Variants in KIAA1210 observed in about 807,000 individuals in gnomAD.
KIAA1210 encodes the protein KIAA1210, also known as acrosomal protein KIAA1210.
Under a neutral mutation model 78.9 loss-of-function variants are expected in KIAA1210, and 48 were observed. The ratio of observed to expected loss-of-function variants is 0.61; its 90% CI spans 0.48 to 0.77. The LOEUF (loss-of-function observed/expected upper bound fraction) is 0.77, where lower values mean the gene tolerates loss of function less well. Ranked by LOEUF, KIAA1210 falls within the 30% of genes least tolerant of loss-of-function variation. The pLI is 0.00. For missense variants in KIAA1210, 1,108 were observed against 1,100.0 expected (o/e 1.01, Z -0.10); for synonymous variants, 406 against 404.5 (o/e 1.00, Z -0.04).
chrX:119,112,110 C>T (rs867807771), intron 3 of KIAA1210, among the ~76,000 whole-genome samples: 4 of 111,137 alleles, frequency 3.6e-5, no homozygotes, highest in East Asian at 2.8e-4. Flanking sequence ...CCCGCTTGCA[C>T]TCTCTCTCTA....
chrX:119,096,763 C>T lies in KIAA1210; in HGVS notation c.649-72G>A, dbSNP rs958389694. On this transcript the variant is annotated intron_variant, in intron 6 of 11. Coordinates refer to ENST00000691062, the MANE Select transcript of KIAA1210 (RefSeq NM_001394962.1). ...CTGGTCTCAAAAGTTGGATATTCTT[C>T]CGGCTGAAGAATTCCCAAAGAAGAA... The T allele has an allele frequency of 9.0e-6, 7 of 780,450 alleles. No individual in the cohort carries two copies. The African/African-American group carries it at 1.5e-4, about 17-fold the overall frequency. The allele number at this position is 780,450 out of a possible 1,213,427, so 64.3% of individuals were successfully genotyped here. A position where few individuals can be genotyped will look rare whatever the true frequency, so the allele number is the denominator to read the frequency against.
chrX:119,081,285 AAAAACT>A lies in KIAA1210; in HGVS notation c.*38_*43del. 1 of 1,009,320 alleles carries A rather than the reference AAAAACT, an allele frequency of 9.9e-7. No individual in the cohort carries two copies. The highest frequency in any genetic ancestry group is 2.0e-5 in the African/African-American group (1 of 51,094). 83.2% of individuals were successfully genotyped at this position (1,009,320 alleles called of 1,213,427 possible). ...CTGTCTCAAAAAAAAAAAAAAAAAA[AAAAACT>A]AAATAAAATAAATGCTGATGCTCCA... On this transcript the variant is annotated 3_prime_UTR_variant, in exon 12 of 12. Transcript: ENST00000691062.
chrX:119,104,852 C>A, intron 6 of KIAA1210, 140 bp downstream of exon 6: 1 of 511,416 alleles, frequency 2.0e-6, no homozygotes, highest in Non-Finnish European at 3.1e-6. Context: ...AACCACCATG[C>A]AAATCAAAAG....
rs375534709 is a variant in KIAA1210 at position 119,088,474 on chromosome X, A to G, written c.2228T>C (p.Met743Thr). Residue 743 changes from methionine to threonine, a missense_variant, in exon 9 of 12, where the codon ATG (methionine) becomes ACG (threonine). By Grantham distance (81) the Met-to-Thr change is moderately conservative. This residue lies in a region of KIAA1210 where 672 missense variants were observed against 607.1 expected (regional missense o/e 1.11). Coordinates refer to ENST00000691062, the MANE Select transcript of KIAA1210 (RefSeq NM_001394962.1). ...LPSRCPSQPI[M>T]NPTVQQQVPT... Reference sequence around the variant, plus strand: ...GACTTGTTGCTGAACAGTAGGATTCATAATGGGCTGAGAAGGGCATCTGGA... The same window carrying G: ...GACTTGTTGCTGAACAGTAGGATTCGTAATGGGCTGAGAAGGGCATCTGGA... 3.3e-6 allele frequency: 4 copies of G among 1,209,444 alleles called. No homozygotes were observed. The African/African-American group carries it at 7.0e-5, about 21-fold the overall frequency.
chrX:119,086,786 T>C lies in KIAA1210; in HGVS notation c.3916A>G (p.Arg1306Gly). The C allele has an allele frequency of 8.3e-7, 1 of 1,211,354 alleles. No homozygotes were observed. Among genetic ancestry groups the C allele is most frequent in the African/African-American group, 1.7e-5 (1 of 57,791 alleles). Residue 1306 changes from arginine (R) to glycine (G), a missense_variant, in exon 9 of 12, where the codon AGA becomes GGA. By Grantham distance (125) the Arg-to-Gly change is moderately radical. Around this residue, in one of 5 missense-constraint regions of KIAA1210, gnomAD observed 245 missense variants for 278.8 expected, o/e 0.88. Transcript: ENST00000691062. ...TTATACTTCTGCGAGGGAGGGGCTC[T>C]TTTCAGTCGAACTCCAAAAAGCTTT... ...VEKLFGVRLK[R>G]APPSQKYKSE... is the part of the protein sequence containing the mutation.
chrX:119,138,957 T>C (rs1928985576), intron 2 of KIAA1210, among the ~76,000 whole-genome samples: 1 of 111,947 alleles, frequency 8.9e-6, no homozygotes, highest in Non-Finnish European at 1.9e-5. Flanking sequence ...TACCCCAGCA[T>C]GTGAGGAATA....
At chrX:119,100,568 G>A (rs188241085) in intron 6 of KIAA1210, among the ~76,000 whole-genome samples, 141 of 111,101 alleles carry the variant, frequency 1.3e-3, no homozygotes, top group African/African-American at 4.1e-3. Flanking sequence ...TTATTTTTTC[G>A]TTCGTATAAA....
Position 119,115,988 on chromosome X carries a change from T to C in KIAA1210, c.230+508A>G, listed in dbSNP as rs139034277. Among the ~76,000 whole-genome samples, 335 of 111,872 alleles carry C rather than the reference T, an allele frequency of 3.0e-3. 4 individuals are homozygous for C. Among genetic ancestry groups the C allele is most frequent in the African/African-American group, 0.01 (318 of 30,774 alleles). ...CAGCAACACAGTGATCTCATGCTCA[T>C]GACCCACCCCACTCCCAGCTAGATA... On this transcript the variant is annotated intron_variant, in intron 3 of 11. Transcript: ENST00000691062.
At chrX:119,083,853 T>C (rs1927041021) in intron 10 of KIAA1210, among the ~76,000 whole-genome samples, 1 of 108,405 alleles carries the variant, frequency 9.2e-6, no homozygotes, top group African/African-American at 3.4e-5. Flanking sequence ...CTGGGCATGG[T>C]GGCGCACACC....
At chrX:119,143,532 G>T (rs965771013) in intron 2 of KIAA1210, among the ~76,000 whole-genome samples, 3 of 112,108 alleles carry the variant, frequency 2.7e-5, no homozygotes, top group Non-Finnish European at 3.8e-5. Context: ...TATTTCACCC[G>T]AGGCTATTCT....
At position 119,080,245 on chromosome X, in the gene KIAA1210, G is replaced by A. The variant is rs936539038; in HGVS notation, c.*1084C>T. The A allele has an allele frequency of 6.3e-5, 7 of 111,794 alleles. No individual in the cohort carries two copies. Among genetic ancestry groups the A allele is most frequent in the African/African-American group, 1.6e-4 (5 of 30,686 alleles). 9.2% of individuals were successfully genotyped at this position (111,794 alleles called of 1,213,427 possible). ...AGATAATTCCCAAGAAGCATTCTGC[G>A]TCATAGGGAGGTGCTCGCTACAGCC... On this transcript the variant is annotated 3_prime_UTR_variant, in exon 12 of 12. Transcript: ENST00000691062.
intron 2 of KIAA1210, among the ~76,000 whole-genome samples, chrX:119,122,198 T>C (rs1187868966): frequency 9.3e-6 from 1 of 107,070 alleles, no homozygotes; most frequent in Admixed American, 1.0e-4. Flanking sequence ...CCCGAGTAGC[T>C]GGAACTACAG....
rs1232271474 is a variant in KIAA1210 at position 119,086,739 on chromosome X, G to A, written c.3963C>T (p.Phe1321=). The A allele has an allele frequency of 8.3e-7, 1 of 1,211,281 alleles. No homozygotes were observed. The highest frequency in any genetic ancestry group is 2.2e-5 in the Admixed American group (1 of 45,965). ...CCGAGGGCACTGAAGCAAGCTGGGT[G>A]AAGTTATCTTGTTTCTCACTCTTAT... The part of the protein sequence containing the change: ...QKYKSEKQDN[F]TQLASVPSGP... The change falls in exon 9 of 12, where the codon TTC becomes TTT. Residue 1321 remains phenylalanine, a synonymous_variant. Transcript: ENST00000691062.
At chrX:119,082,943 G>A in intron 11 of KIAA1210, 72 bp downstream of exon 11, 1 of 670,650 alleles carries the variant, frequency 1.5e-6, no homozygotes, top group Non-Finnish European at 2.3e-6. Flanking sequence ...TATTATCTGA[G>A]CTTGAAATTG....
rs763858047 is a variant in KIAA1210 at position 119,089,761 on chromosome X, A to G, written c.956-15T>C. 1.7e-6 allele frequency: 2 copies of G among 1,171,268 alleles called. No homozygotes were observed. The highest frequency in any genetic ancestry group is 2.3e-6 in the Non-Finnish European group (2 of 874,550). ...GCTTGAGGAATCTGCACCAAACAGA[A>G]ATAAGGAAAGGAGAAATATGTGTGA... On this transcript the variant is annotated splice_polypyrimidine_tract_variant and intron_variant, in intron 8 of 11. Coordinates refer to ENST00000691062, the MANE Select transcript of KIAA1210 (RefSeq NM_001394962.1).
rs1432535830 is a variant in KIAA1210, at chrX:119,108,478, AAG to A, written c.358-9_358-8del. The stretch of plus-strand genomic sequence containing the variant: ...TTCTGGAAATATGGGATCTCTGTGT[AAG>A]AGAGAGAGAAAAAAACTTGAGGATT... On this transcript the variant is annotated splice_region_variant and splice_polypyrimidine_tract_variant and intron_variant, in intron 4 of 11. Coordinates refer to ENST00000691062, the MANE Select transcript of KIAA1210 (RefSeq NM_001394962.1). 3 of 1,197,397 alleles carry A rather than the reference AAG, an allele frequency of 2.5e-6. No individual in the cohort carries two copies. Among genetic ancestry groups the A allele is most frequent in the Admixed American group, 2.3e-5 (1 of 42,800 alleles).
intron 5 of KIAA1210, among the ~76,000 whole-genome samples, chrX:119,107,090 G>A (rs1927916054): frequency 8.9e-6 from 1 of 112,003 alleles, no homozygotes; most frequent in Admixed American, 9.4e-5. Context: ...TGATAACTTA[G>A]GTCCTATTAA....
chrX:119,116,679 T>G lies in KIAA1210; in HGVS notation c.62-15A>C, dbSNP rs1307948521. 10 of 1,183,210 alleles carry G rather than the reference T, an allele frequency of 8.5e-6. No individual in the cohort carries two copies. The highest frequency in any genetic ancestry group is 1.0e-5 in the Non-Finnish European group (9 of 877,982). On this transcript the variant is annotated splice_polypyrimidine_tract_variant and intron_variant, in intron 2 of 11. Coordinates refer to ENST00000691062, the MANE Select transcript of KIAA1210 (RefSeq NM_001394962.1). ...TTTCTTCTTTCCTGGAAGTGAAAAA[T>G]GAAAATGAGGCAGAGTGTGATGGTA...
Position 119,143,131 on chromosome X carries a change from A to G in KIAA1210, c.410+4342T>C, listed in dbSNP as rs918961309. 2.2e-4 allele frequency among the ~76,000 whole-genome samples: 25 copies of G among 112,516 alleles called. 1 individual carries two copies. Among genetic ancestry groups the G allele is most frequent in the Middle Eastern group, 4.2e-3 (1 of 238 alleles). Reference sequence around the variant, plus strand: ...AGAAGGTTTTCCTCCCCATGGTGCTAATGACCTGTGTTCCCTGCTCTTCAT... The same window carrying G: ...AGAAGGTTTTCCTCCCCATGGTGCTGATGACCTGTGTTCCCTGCTCTTCAT... On this transcript the variant is annotated intron_variant, in intron 2 of 13. Transcript: ENST00000402510.
Sources: gnomAD v4.1 joint callset for allele counts (sites outside exome capture counted in the v4.1 genomes callset) on GRCh38, gnomAD v4.1.1 for gene constraint, gnomAD v4.1.1 regional missense constraint, MANE v1.5 for transcripts, NCBI Gene and HGNC (gene_info 2026-07-23, HGNC 2026-07-21) for gene names.